SLC17A8: variants seen among roughly 807,000 people sequenced by gnomAD.
SLC17A8 encodes vesicular glutamate transporter 3.
A neutral mutation model predicts 58.0 loss-of-function variants in SLC17A8; 31 were observed. The ratio of observed to expected loss-of-function variants is 0.53; its 90% confidence interval spans 0.40 to 0.72. The LOEUF (loss-of-function observed/expected upper bound fraction) is 0.72, where lower values mean the gene tolerates loss of function less well. Ranked by LOEUF, SLC17A8 falls within the 30% of genes least tolerant of loss-of-function variation. The probability of loss-of-function intolerance (pLI) is 0.00; values close to 1 mark genes in which losing one functional copy is unlikely to be tolerated. For missense variants in SLC17A8, 655 were observed against 727.8 expected (o/e 0.90, Z 1.15); for synonymous variants, 228 against 249.0 (o/e 0.92, Z 0.79).
At chr12:100,368,859 C>T (rs1462445543) in intron 1 of SLC17A8, among the ~76,000 whole-genome samples, 2 of 152,184 alleles carry the variant, frequency 1.3e-5, no homozygotes, top group Non-Finnish European at 2.9e-5. Flanking sequence ...AGACACACTA[C>T]ATATTAACAC....
intron 1 of SLC17A8, among the ~76,000 whole-genome samples, chr12:100,365,869 T>A (rs1431618626): frequency 6.6e-6 from 1 of 152,162 alleles, no homozygotes; most frequent in Non-Finnish European, 1.5e-5. Context: ...CCAGAAGGTC[T>A]CTCTGACTAT....
At chr12:100,367,399 T>A (rs1260502247) in intron 1 of SLC17A8, among the ~76,000 whole-genome samples, 1 of 152,180 alleles carries the variant, frequency 6.6e-6, no homozygotes, top group Non-Finnish European at 1.5e-5. Flanking sequence ...GCAATTTTTA[T>A]ACCAGGCATT....
intron 1 of SLC17A8, among the ~76,000 whole-genome samples, chr12:100,376,178 T>C (rs1952593639): frequency 6.6e-6 from 1 of 152,228 alleles, no homozygotes; most frequent in African/African-American, 2.4e-5. Context: ...CTCAGATTTC[T>C]GGCTCTAGAA....
chr12:100,406,469 CA>C, intron 9 of SLC17A8, among the ~76,000 whole-genome samples: 1 of 151,722 alleles, frequency 6.6e-6, no homozygotes, highest in East Asian at 1.9e-4. Flanking sequence ...TCGGCGTATG[CA>C]GAGCTTGGGT....
At chr12:100,361,161 A>G (rs1386010027) in intron 1 of SLC17A8, among the ~76,000 whole-genome samples, 2 of 152,168 alleles carry the variant, frequency 1.3e-5, no homozygotes, top group African/African-American at 4.8e-5. Context: ...GACTCTAGGA[A>G]ACCAAGTCAG....
intron 2 of SLC17A8, among the ~76,000 whole-genome samples, chr12:100,383,590 T>A (rs1272210137): frequency 6.6e-6 from 1 of 152,236 alleles, no homozygotes; most frequent in African/African-American, 2.4e-5. Flanking sequence ...CACTGAGATA[T>A]CTTTAAATCT....
intron 10 of SLC17A8, among the ~76,000 whole-genome samples, chr12:100,413,628 T>A (rs1368294995): frequency 6.6e-6 from 1 of 152,120 alleles, no homozygotes; most frequent in East Asian, 1.9e-4. Flanking sequence ...TATGCAAAAC[T>A]GGGTCAAAGA....
rs369664998 is a variant in SLC17A8 at position 100,403,947 on chromosome 12, G to C, written c.1054-91G>C. On this transcript the variant is annotated intron_variant, in intron 8 of 11. Coordinates refer to ENST00000323346, the MANE Select transcript of SLC17A8 (RefSeq NM_139319.3). ...GCTTAAATTTGGTGGTGGTAGGTAG[G>C]GGGGCTGTGGAGTGGAGGTGGGCAA... 8.1e-4 allele frequency: 1,183 copies of C among 1,459,772 alleles called. 19 individuals are homozygous for C. In the South Asian group the frequency reaches 0.013, roughly 16 times the overall value. The allele number at this position is 1,459,772 out of a possible 1,614,324, so 90.4% of individuals were successfully genotyped here.
intron 2 of SLC17A8, among the ~76,000 whole-genome samples, chr12:100,386,626 C>T (rs929323158): frequency 2.0e-5 from 3 of 151,612 alleles, no homozygotes; most frequent in Admixed American, 6.6e-5. Flanking sequence ...CCAGTTGTTA[C>T]ATCTTGCAGA....
chr12:100,391,457 AC>A (rs1369327963), intron 3 of SLC17A8, among the ~76,000 whole-genome samples: 1 of 144,492 alleles, frequency 6.9e-6, no homozygotes, highest in Non-Finnish European at 1.5e-5. Context: ...AGTGTGCACC[AC>A]TACACCCAGC....
At chr12:100,385,133 T>TGAGAGA (rs1183439571) in intron 2 of SLC17A8, among the ~76,000 whole-genome samples, 6 of 150,068 alleles carry the variant, frequency 4.0e-5, no homozygotes, top group African/African-American at 1.2e-4. Context: ...TGTGTGTGTG[T>TGAGAGA]GAGAGAGAGA....
At chr12:100,387,566 G>A (rs1445788764) in intron 2 of SLC17A8, among the ~76,000 whole-genome samples, 1 of 152,166 alleles carries the variant, frequency 6.6e-6, no homozygotes, top group East Asian at 1.9e-4. Flanking sequence ...ATGAGAAAGG[G>A]ATGTTGTGAT....
intron 1 of SLC17A8, among the ~76,000 whole-genome samples, chr12:100,358,904 G>A (rs990687050): frequency 2.6e-5 from 4 of 152,210 alleles, no homozygotes; most frequent in African/African-American, 9.6e-5. Context: ...CACTTTGGGA[G>A]GCGGAAGTGG....
intron 6 of SLC17A8, 70 bp from the exon 7 acceptor site, chr12:100,402,270 A>G (rs1305647051): frequency 1.6e-5 from 25 of 1,586,448 alleles, no homozygotes; most frequent in Middle Eastern, 1.9e-4. Context: ...TATATATGGT[A>G]AAAATTGAAA....
intron 1 of SLC17A8, among the ~76,000 whole-genome samples, chr12:100,371,640 C>T (rs1057128995): frequency 1.3e-5 from 2 of 152,196 alleles, no homozygotes; most frequent in Admixed American, 6.5e-5. Context: ...CGCCACCTCC[C>T]AGGTTCAAGT....
At chr12:100,358,009 T>C (rs1291933852) in intron 1 of SLC17A8, among the ~76,000 whole-genome samples, 5 of 149,592 alleles carry the variant, frequency 3.3e-5, no homozygotes, top group African/African-American at 1.3e-4. Context: ...ACTTAAAAAA[T>C]GTCTTTGAAG....
rs201812503 is a variant in SLC17A8, at chr12:100,380,805, G to C, written c.206G>C (p.Cys69Ser). The change falls in exon 2 of 12, where the codon TGC becomes TCC. Residue 69 changes from cysteine (C) to serine (S), a missense_variant. Coordinates refer to ENST00000323346, the MANE Select transcript of SLC17A8 (RefSeq NM_139319.3). The part of the protein sequence containing the change: ...RPSPPLCDCH[C>S]CGLPKRYIIA... ...AGCCCCCCACTCTGCGACTGCCACT[G>C]CTGCGGCCTCCCCAAGCGTTACATC... The C allele has an allele frequency of 2.5e-6, 4 of 1,614,154 alleles. No individual in the cohort carries two copies. In the Admixed American group the frequency reaches 6.7e-5, roughly 27 times the overall value.
At chr12:100,361,462 C>T (rs1479089939) in intron 1 of SLC17A8, among the ~76,000 whole-genome samples, 5 of 152,204 alleles carry the variant, frequency 3.3e-5, no homozygotes, top group African/African-American at 4.8e-5. Context: ...GCTCAAAGAT[C>T]CCCACTTTCC....
At chr12:100,396,442 AT>A in intron 5 of SLC17A8, 25 bp downstream of exon 5, 1 of 1,595,800 alleles carries the variant, frequency 6.3e-7, no homozygotes, top group Non-Finnish European at 8.6e-7. Context: ...ATCGTAACAA[AT>A]TTTATTTATG....
Sources: allele counts gnomAD v4.1 joint callset (sites outside exome capture counted in the v4.1 genomes callset), GRCh38; gene constraint gnomAD v4.1.1; transcripts MANE v1.5; gene names NCBI Gene and HGNC (gene_info 2026-07-23, HGNC 2026-07-21).